Variants in MYH9 observed in about 807,000 individuals in gnomAD.
The protein encoded by MYH9 is myosin-9.
MYH9 carries 29 observed loss-of-function variants against 241.9 expected under a neutral mutation model. That is an observed-to-expected ratio of 0.12 (90% CI 0.09 to 0.16). The LOEUF (loss-of-function observed/expected upper bound fraction) is 0.16, where lower values mean the gene tolerates loss of function less well. MYH9 is among the 10% of genes least tolerant of loss of function. The pLI, the probability that MYH9 is intolerant of heterozygous loss-of-function variation, is 1.00. For missense variants in MYH9, 1,803 were observed against 2,595.5 expected (o/e 0.69, Z 6.63); for synonymous variants, 1,047 against 1,062.6 (o/e 0.99, Z 0.29).
At chr22:36,374,392 C>T (rs534113049) in intron 1 of MYH9, among the ~76,000 whole-genome samples, 5 of 152,210 alleles carry the variant, frequency 3.3e-5, no homozygotes, top group South Asian at 2.1e-4. Context: ...TGGCGGCACG[C>T]GCCTGTAATC....
In MYH9 at chr22:36,300,506, T is replaced by C. The variant is rs973131240; in HGVS notation, c.2839-242A>G. Among the ~76,000 whole-genome samples, 11 of 152,134 alleles carry C rather than the reference T, an allele frequency of 7.2e-5. No homozygotes were observed. Among genetic ancestry groups the C allele is most frequent in the Non-Finnish European group, 1.3e-4 (9 of 68,012 alleles). ...CTGGGACACAGGGCCAGAACATCGG[T>C]GCAATGTTCTGAAGGGTTTCCTGCA... On this transcript the variant is annotated intron_variant, in intron 22 of 40. Transcript: ENST00000216181. This position sits in a 1 kb window ranked among gnomAD's most constrained non-coding sequence, Gnocchi z 5.0.
At chr22:36,352,323 C>T (rs1569536734) in intron 1 of MYH9, among the ~76,000 whole-genome samples, 1 of 152,242 alleles carries the variant, frequency 6.6e-6, no homozygotes, top group Admixed American at 6.5e-5. Context: ...AAAGCAGGCA[C>T]GTTAGAACTC....
intron 35 of MYH9, among the ~76,000 whole-genome samples, 183 bp downstream of exon 35, chr22:36,286,535 T>C (rs965127286): frequency 1.3e-5 from 2 of 152,168 alleles, no homozygotes; most frequent in Non-Finnish European, 2.9e-5. Context: ...CACACTCTGA[T>C]CATACGAGGG....
intron 3 of MYH9, among the ~76,000 whole-genome samples, chr22:36,339,863 C>T (rs2017555907): frequency 1.3e-5 from 2 of 152,150 alleles, no homozygotes; most frequent in Non-Finnish European, 1.5e-5. Flanking sequence ...AACATGGGCC[C>T]TGTCTGTATC....
chr22:36,360,542 T>C lies in MYH9; in HGVS notation c.-19-11287A>G, dbSNP rs541606920. ...TCCTGGCTAACACGGTGAAACCCCG[T>C]CTCTACTAAAAATACAAAAAATTAG... On this transcript the variant is annotated intron_variant, in intron 1 of 40. Coordinates refer to ENST00000216181, the MANE Select transcript of MYH9 (RefSeq NM_002473.6). Among the ~76,000 whole-genome samples, 8 of 151,466 alleles carry C rather than the reference T, an allele frequency of 5.3e-5. No individual in the cohort carries two copies. In the South Asian group the frequency reaches 1.7e-3, roughly 32 times the overall value.
intron 3 of MYH9, among the ~76,000 whole-genome samples, chr22:36,337,525 A>C (rs529169729): frequency 1.3e-5 from 2 of 152,356 alleles, no homozygotes; most frequent in African/African-American, 4.8e-5. Flanking sequence ...GTCCCCAGGA[A>C]GGGTCAAAGA....
chr22:36,348,773 C>G (rs1291838257), intron 2 of MYH9, 131 bp downstream of exon 2: 2 of 830,128 alleles, frequency 2.4e-6, no homozygotes, highest in Non-Finnish European at 4.0e-6. Flanking sequence ...GTCACCCCAG[C>G]ACTCCTTCAA....
chr22:36,326,696 C>A (rs779034516), intron 4 of MYH9, 35 bp from the exon 5 acceptor site: 4 of 1,572,474 alleles, frequency 2.5e-6, no homozygotes, highest in Non-Finnish European at 3.5e-6. Flanking sequence ...CGGGCTTAGG[C>A]ATGGCCAAGT....
At chr22:36,316,698 T>A (rs891701269) in intron 11 of MYH9, 29 bp from the exon 12 acceptor site, 1 of 1,612,652 alleles carries the variant, frequency 6.2e-7, no homozygotes, top group African/African-American at 1.3e-5. Flanking sequence ...GAGCGTGGTG[T>A]CAGATACAAA....
intron 1 of MYH9, among the ~76,000 whole-genome samples, chr22:36,359,288 T>G (rs979371530): frequency 6.6e-6 from 1 of 152,186 alleles, no homozygotes; most frequent in South Asian, 2.1e-4. Context: ...TCAGTTAAAG[T>G]GTCCTGAATG....
chr22:36,356,723 T>C (rs1326603792), intron 1 of MYH9, among the ~76,000 whole-genome samples: 2 of 150,344 alleles, frequency 1.3e-5, no homozygotes, highest in Admixed American at 6.7e-5. Flanking sequence ...GACAAAGGCA[T>C]AAAGATCCCA....
Position 36,341,428 on chromosome 22 carries a change from G to C in MYH9, c.432C>G (p.His144Gln). The change falls in exon 3 of 41, where the codon CAC (histidine) becomes CAG (glutamine). Residue 144 changes from histidine (H) to glutamine (Q), a missense_variant. Around this residue, in one of 11 missense-constraint regions of MYH9, gnomAD observed 72 missense variants for 134.3 expected, o/e 0.54. Transcript: ENST00000216181. ...IVEMYKGKKR[H>Q]EMPPHIYAIT... The stretch of plus-strand genomic sequence containing the variant: ...TGGCATAGATGTGAGGGGGCATCTC[G>C]TGCCTCTTCTTGCCCTTGTACATTT... 6.2e-7 allele frequency: 1 copy of C among 1,614,162 alleles called. No individual in the cohort carries two copies. The highest frequency in any genetic ancestry group is 8.5e-7 in the Non-Finnish European group (1 of 1,180,008).
At chr22:36,380,468 C>T (rs1308971598) in intron 1 of MYH9, among the ~76,000 whole-genome samples, 1 of 152,164 alleles carries the variant, frequency 6.6e-6, no homozygotes, top group Non-Finnish European at 1.5e-5. Context: ...TGGCCGGGTG[C>T]GGTGGCTCAC....
rs761707160 is a variant in MYH9, at chr22:36,348,896, C to T, written c.333+8G>A. On this transcript the variant is annotated splice_region_variant and intron_variant, in intron 2 of 40. Transcript: ENST00000216181. ...CCCAGCCTGCGGGGTGCCACGGCAG[C>T]CACTTACGTAGATGAGCCCTGAGTA... 3.8e-6 allele frequency: 6 copies of T among 1,591,948 alleles called. No homozygotes were observed. The highest frequency in any genetic ancestry group is 5.1e-6 in the Non-Finnish European group (6 of 1,168,924).
At chr22:36,381,972 A>C (rs2018263659) in intron 1 of MYH9, among the ~76,000 whole-genome samples, 1 of 152,134 alleles carries the variant, frequency 6.6e-6, no homozygotes, top group African/African-American at 2.4e-5. Context: ...CTGCCAAACA[A>C]CTTTCTTTTG....
rs949792510 is a variant in MYH9 at position 36,320,116 on chromosome 22, C to T, written c.1012+104G>A. The T allele has an allele frequency of 6.5e-7, 1 of 1,540,878 alleles. No homozygotes were observed. Among genetic ancestry groups the T allele is most frequent in the Admixed American group, 1.7e-5 (1 of 59,178 alleles). ...CTGAAGGCCTTCCCCTTCCCCTGGC[C>T]TCTAGCAGGCTCCCCAGGCCCATCG... On this transcript the variant is annotated intron_variant, in intron 9 of 40. Coordinates refer to ENST00000216181, the MANE Select transcript of MYH9 (RefSeq NM_002473.6). The surrounding 1 kb of genome is among the most constrained non-coding windows in gnomAD (Gnocchi z 4.8).
chr22:36,344,675 T>A (rs1340652485), intron 2 of MYH9, among the ~76,000 whole-genome samples: 3 of 151,072 alleles, frequency 2.0e-5, no homozygotes, highest in African/African-American at 7.3e-5. Context: ...AGCCAAAGAG[T>A]TCTAGAGAAA....
At position 36,320,766 on chromosome 22, in the gene MYH9, C is replaced by G; in HGVS notation, c.868+32G>C. 1.3e-6 allele frequency: 2 copies of G among 1,570,564 alleles called. No homozygotes were observed. The highest frequency in any genetic ancestry group is 1.8e-6 in the Non-Finnish European group (2 of 1,141,266). ...TGGCAAGAGGCCCAGAGCCCGGCAG[C>G]CCCGGTGTCAGGCTGCAGGCCAACT... On this transcript the variant is annotated intron_variant, in intron 8 of 40. Coordinates refer to ENST00000216181, the MANE Select transcript of MYH9 (RefSeq NM_002473.6). This position sits in a 1 kb window ranked among gnomAD's most constrained non-coding sequence, Gnocchi z 4.8.
rs760488831 is a variant in MYH9 at position 36,304,163 on chromosome 22, G to A, written c.2230-8C>T. ...GAGCTCCAGGGCTTTTATCTAGGTG[G>A]GAGGAGCAGGCCGTTTACCTGGCCA... On this transcript the variant is annotated splice_region_variant and splice_polypyrimidine_tract_variant and intron_variant, in intron 18 of 40. Coordinates refer to ENST00000216181, the MANE Select transcript of MYH9 (RefSeq NM_002473.6). The A allele has an allele frequency of 1.2e-6, 2 of 1,613,222 alleles. No homozygotes were observed. Among genetic ancestry groups the A allele is most frequent in the South Asian group, 1.1e-5 (1 of 91,084 alleles).
Sources: allele counts gnomAD v4.1 joint callset (sites outside exome capture counted in the v4.1 genomes callset), GRCh38; gene constraint gnomAD v4.1.1; regional missense constraint gnomAD v4.1.1; non-coding constraint Gnocchi (gnomAD v3.1); transcripts MANE v1.5; gene names NCBI Gene and HGNC (gene_info 2026-07-23, HGNC 2026-07-21).